The following LMCD1 variants were observed in gnomAD, a reference collection of about 807,000 sequenced individuals.
The protein encoded by LMCD1 is LIM and cysteine rich domains 1.
In LMCD1, 32 loss-of-function variants were observed where a neutral mutation model predicts 42.7. The observed-to-expected ratio is 0.75, with a 90% CI of 0.57 to 1.01. The LOEUF (loss-of-function observed/expected upper bound fraction) is 1.01, where lower values mean the gene tolerates loss of function less well. Ranked by LOEUF, LMCD1 falls within the 50% of genes least tolerant of loss-of-function variation. LMCD1 has a pLI of 0.00. For synonymous variants in LMCD1, 178 were observed against 184.9 expected (o/e 0.96, Z 0.30); for missense variants, 458 against 483.1 (o/e 0.95, Z 0.49).
chr3:8,529,943 T>C (rs1694380294), intron 1 of LMCD1, among the ~76,000 whole-genome samples: 1 of 152,202 alleles, frequency 6.6e-6, no homozygotes, highest in Non-Finnish European at 1.5e-5. Context: ...CAAGGCAAGT[T>C]GCATTCTTGT....
At chr3:8,508,391 A>G (rs918582475) in intron 1 of LMCD1, among the ~76,000 whole-genome samples, 1 of 152,218 alleles carries the variant, frequency 6.6e-6, no homozygotes, top group Non-Finnish European at 1.5e-5. Flanking sequence ...CAAAGGCTCC[A>G]TTTGGCAAGT....
intron 3 of LMCD1, among the ~76,000 whole-genome samples, chr3:8,539,076 C>A (rs1467673749): frequency 6.6e-6 from 1 of 152,220 alleles, no homozygotes; most frequent in Admixed American, 6.5e-5. Context: ...TGGTAAGACT[C>A]ACACTGAAAT....
chr3:8,520,767 G>A (rs550520338), intron 1 of LMCD1, among the ~76,000 whole-genome samples: 2 of 152,274 alleles, frequency 1.3e-5, no homozygotes, highest in Admixed American at 6.5e-5. Context: ...TTGCCCTATA[G>A]GAATCCCTTT....
rs770683942 is a variant in LMCD1 at position 8,537,488 on chromosome 3, T to C, written c.387+48T>C. 14 of 1,499,712 alleles carry C rather than the reference T, an allele frequency of 9.3e-6. No homozygotes were observed. The East Asian group carries it at 2.5e-4, about 27-fold the overall frequency. The allele number at this position is 1,499,712 out of a possible 1,614,324, so 92.9% of individuals were successfully genotyped here. ...GCAGTTGTTTTCCTATCCTCATAAA[T>C]ACTAGCCATGTCAAGTGTTTCTGAA... On this transcript the variant is annotated intron_variant, in intron 3 of 5. Transcript: ENST00000157600.
chr3:8,503,038 G>A (rs532010518), intron 1 of LMCD1, among the ~76,000 whole-genome samples: 12 of 152,192 alleles, frequency 7.9e-5, no homozygotes, highest in Non-Finnish European at 1.8e-4. Flanking sequence ...CCTTGTCTCT[G>A]ATGTGGGGAG....
intron 1 of LMCD1, among the ~76,000 whole-genome samples, chr3:8,529,033 G>C (rs930149420): frequency 5.3e-5 from 8 of 152,136 alleles, no homozygotes; most frequent in Non-Finnish European, 1.0e-4. Flanking sequence ...TTTTTTAAGT[G>C]ATGGTTTCTT....
chr3:8,552,090 T>C (rs1399477030), intron 4 of LMCD1, among the ~76,000 whole-genome samples: 1 of 152,176 alleles, frequency 6.6e-6, no homozygotes, highest in Non-Finnish European at 1.5e-5. Context: ...CTGTTTATCA[T>C]CTTAATCGTG....
At chr3:8,551,364 T>C in intron 4 of LMCD1, 1 of 984,542 alleles carries the variant, frequency 1.0e-6, no homozygotes, top group Non-Finnish European at 1.2e-6. Flanking sequence ...TCCACATTTA[T>C]TAAGCCCCTG....
At chr3:8,563,228 G>A (rs919501764) in intron 4 of LMCD1, among the ~76,000 whole-genome samples, 2 of 152,240 alleles carry the variant, frequency 1.3e-5, no homozygotes, top group African/African-American at 4.8e-5. Context: ...AAGGTAAGCA[G>A]AGAAGCTTTA....
At chr3:8,512,539 G>T (rs962947675) in intron 1 of LMCD1, among the ~76,000 whole-genome samples, 1 of 152,176 alleles carries the variant, frequency 6.6e-6, no homozygotes, top group Non-Finnish European at 1.5e-5. Flanking sequence ...AAAGGGCAAG[G>T]TTTGATGGAA....
At chr3:8,542,449 C>G (rs1340911349) in intron 3 of LMCD1, among the ~76,000 whole-genome samples, 1 of 152,176 alleles carries the variant, frequency 6.6e-6, no homozygotes, top group Non-Finnish European at 1.5e-5. Context: ...ACCGTGAACG[C>G]AGGGGTCAAC....
At chr3:8,538,590 C>T (rs551752176) in intron 3 of LMCD1, among the ~76,000 whole-genome samples, 33 of 152,326 alleles carry the variant, frequency 2.2e-4, no homozygotes, top group Non-Finnish European at 3.7e-4. Flanking sequence ...ACACCAAGCT[C>T]CTGCCCTCCT....
chr3:8,549,441 C>T (rs1203965895), intron 4 of LMCD1, among the ~76,000 whole-genome samples: 1 of 152,094 alleles, frequency 6.6e-6, no homozygotes, highest in Non-Finnish European at 1.5e-5. Flanking sequence ...AGGGTTCATT[C>T]CATCCATCCA....
In LMCD1 at chr3:8,570,976, T is replaced by C. The variant is rs1216866344; in HGVS notation, c.*3378T>C. ...CCCCACACTGTGTTTAATTGCTGCC[T>C]CTGCTGGGGGGCTGCAATAGCTGAG... On this transcript the variant is annotated 3_prime_UTR_variant, in exon 6 of 6. Coordinates refer to ENST00000157600, the MANE Select transcript of LMCD1 (RefSeq NM_014583.4). 2 of 152,198 alleles carry C rather than the reference T, an allele frequency of 1.3e-5. No individual in the cohort carries two copies. Among genetic ancestry groups the C allele is most frequent in the Non-Finnish European group, 2.9e-5 (2 of 68,044 alleles). 9.4% of individuals were successfully genotyped at this position (152,198 alleles called of 1,614,324 possible).
intron 1 of LMCD1, among the ~76,000 whole-genome samples, chr3:8,504,163 G>T (rs1693826577): frequency 6.6e-6 from 1 of 152,160 alleles, no homozygotes; most frequent in East Asian, 1.9e-4. Flanking sequence ...TCACCATTTT[G>T]TAGGTTAACC....
Position 8,567,517 on chromosome 3 carries a change from G to A in LMCD1, c.1017G>A (p.Glu339=), listed in dbSNP as rs1695149547. The change falls in exon 6 of 6, where the codon GAG becomes GAA. Residue 339 remains glutamate, a synonymous_variant. Coordinates refer to ENST00000157600, the MANE Select transcript of LMCD1 (RefSeq NM_014583.4). ...HRKHFVCEGC[E]QLLSGRAYIV... ...AGCACTTTGTCTGTGAGGGTTGTGA[G>A]CAGCTGCTGAGCGGCCGGGCGTACA... is the stretch of plus-strand genomic sequence containing the variant. 8 of 1,613,998 alleles carry A rather than the reference G, an allele frequency of 5.0e-6. No homozygotes were observed. The East Asian group carries it at 1.8e-4, about 36-fold the overall frequency.
chr3:8,540,706 T>TG (rs1025808275), intron 3 of LMCD1, among the ~76,000 whole-genome samples: 3 of 152,168 alleles, frequency 2.0e-5, no homozygotes, highest in Non-Finnish European at 4.4e-5. Context: ...TGCCAGGATT[T>TG]GGGGGAAGGA....
intron 3 of LMCD1, among the ~76,000 whole-genome samples, chr3:8,542,573 G>C (rs567581938): frequency 2.6e-5 from 4 of 152,214 alleles, no homozygotes; most frequent in Non-Finnish European, 5.9e-5. Context: ...CACATCCAGG[G>C]AATGGGGGAT....
intron 3 of LMCD1, among the ~76,000 whole-genome samples, chr3:8,544,342 G>T (rs1694693511): frequency 6.6e-6 from 1 of 152,128 alleles, no homozygotes; most frequent in Non-Finnish European, 1.5e-5. Flanking sequence ...CACCACCCAG[G>T]TCTTCTCTTC....
Sources: gnomAD v4.1 joint callset for allele counts (sites outside exome capture counted in the v4.1 genomes callset) on GRCh38, gnomAD v4.1.1 for gene constraint, MANE v1.5 for transcripts, NCBI Gene and HGNC (gene_info 2026-07-23, HGNC 2026-07-21) for gene names.